The following DAB1 variants were observed in gnomAD, a reference collection of about 807,000 sequenced individuals.
DAB1 encodes DAB adaptor protein 1.
In DAB1, 15 loss-of-function variants were observed where a neutral mutation model predicts 64.6. The observed-to-expected ratio is 0.23, with a 90% CI of 0.16 to 0.36. The LOEUF is 0.36. Among genes scored for constraint, DAB1 ranks in the 10% least tolerant of loss-of-function variants. The pLI, the probability that DAB1 is intolerant of heterozygous loss-of-function variation, is 1.00. For synonymous variants in DAB1, 235 were observed against 251.9 expected, an observed-to-expected ratio of 0.93 and a Z score of 0.64; for missense variants, 596 against 706.7, an observed-to-expected ratio of 0.84 and a Z score of 1.78.
chr1:57,488,686 TAATAA>T (rs1431419490), intron 7 of DAB1, among the ~76,000 whole-genome samples: 4 of 151,552 alleles, frequency 2.6e-5, no homozygotes, highest in South Asian at 2.1e-4. Context: ...CAAAATAAAA[TAATAA>T]AATAAAATAA....
chr1:58,521,734 T>C (rs1330137749), intron 2 of DAB1, among the ~76,000 whole-genome samples: 1 of 152,154 alleles, frequency 6.6e-6, no homozygotes, highest in Non-Finnish European at 1.5e-5. Flanking sequence ...ATCTGAATAG[T>C]TCTATATCTA....
intron 11 of DAB1, 56 bp from the exon 12 acceptor site, chr1:57,015,487 A>G: frequency 6.8e-7 from 1 of 1,472,758 alleles, no homozygotes; most frequent in South Asian, 1.3e-5. Context: ...GGAAAGAAGG[A>G]TGCATGGACT....
intron 2 of DAB1, among the ~76,000 whole-genome samples, chr1:57,223,653 G>A (rs552303275): frequency 5.1e-4 from 78 of 152,262 alleles, no homozygotes; most frequent in African/African-American, 1.6e-3. Context: ...GATGCTGTAC[G>A]AACACCTTGC....
At chr1:57,485,647 G>T (rs1040009636) in intron 7 of DAB1, among the ~76,000 whole-genome samples, 1 of 152,164 alleles carries the variant, frequency 6.6e-6, no homozygotes, top group Admixed American at 6.5e-5. Context: ...AGCACAACAT[G>T]TGTGACTTTA....
At chr1:57,977,074 C>T (rs1292603812) in intron 5 of DAB1, among the ~76,000 whole-genome samples, 1 of 152,172 alleles carries the variant, frequency 6.6e-6, no homozygotes, top group Non-Finnish European at 1.5e-5. Flanking sequence ...TCTTCCATGG[C>T]TCCCCACTGC....
chr1:58,457,044 T>A (rs1256671964), intron 3 of DAB1, among the ~76,000 whole-genome samples: 1 of 152,134 alleles, frequency 6.6e-6, no homozygotes, highest in African/African-American at 2.4e-5. Flanking sequence ...GCAAAATCCA[T>A]CCTTTCTGCC....
chr1:57,935,580 C>T (rs1382118735), intron 5 of DAB1, among the ~76,000 whole-genome samples: 1 of 152,110 alleles, frequency 6.6e-6, no homozygotes, highest in Admixed American at 6.5e-5. Flanking sequence ...TCTGGATTCA[C>T]CACATTAATA....
intron 6 of DAB1, among the ~76,000 whole-genome samples, chr1:57,650,668 C>A (rs958982343): frequency 2.0e-5 from 3 of 152,100 alleles, no homozygotes; most frequent in Non-Finnish European, 1.5e-5. Context: ...TTTATGCTTT[C>A]CAAATTTTCT....
At chr1:57,739,450 C>G (rs1570783343) in intron 6 of DAB1, among the ~76,000 whole-genome samples, 1 of 53,484 alleles carries the variant, frequency 1.9e-5, no homozygotes. Flanking sequence ...CCCTCCCCTC[C>G]CCTCCCCTTC....
chr1:57,479,954 C>T (rs61768060), intron 7 of DAB1, among the ~76,000 whole-genome samples: 2 of 151,752 alleles, frequency 1.3e-5, no homozygotes, highest in African/African-American at 2.4e-5. Context: ...GAGATCGAGA[C>T]CATCCTGGCT....
chr1:57,564,440 G>T (rs964704982), intron 7 of DAB1, among the ~76,000 whole-genome samples: 2 of 152,184 alleles, frequency 1.3e-5, no homozygotes, highest in Non-Finnish European at 2.9e-5. Context: ...GATGGAAAAT[G>T]ACTTTGATGA....
rs5774339 is a variant in DAB1 at position 57,367,053 on chromosome 1, TA to T, written c.-137+56876del. Among the ~76,000 whole-genome samples the T allele has an allele frequency of 4.2e-3, 80 of 18,834 alleles. 1 individual carries two copies. Among genetic ancestry groups the T allele is most frequent in the African/African-American group, 0.017 (36 of 2,140 alleles). The allele number at this position is 18,834 out of a possible 152,430, so 12.4% of individuals were successfully genotyped here. On this transcript the variant is annotated intron_variant, in intron 1 of 14. Transcript: ENST00000371236. The stretch of plus-strand genomic sequence containing the variant: ...GAGACCCTGTCTCCACAAAATAAAA[TA>T]AAATAAAATAAAATAAAATAAAATA...
At chr1:57,524,955 T>C (rs973490615) in intron 7 of DAB1, among the ~76,000 whole-genome samples, 2 of 152,194 alleles carry the variant, frequency 1.3e-5, no homozygotes, top group African/African-American at 4.8e-5. Context: ...CACTAATCTT[T>C]GTAAAGCAAT....
intron 4 of DAB1, among the ~76,000 whole-genome samples, chr1:58,311,781 GTAAGTCTCT>G (rs1662436081): frequency 6.6e-6 from 1 of 152,068 alleles, no homozygotes; most frequent in Non-Finnish European, 1.5e-5. Context: ...TGCTACCCCA[GTAAGTCTCT>G]TGCACTTCTA....
chr1:57,629,735 GAAA>G (rs35634554), intron 7 of DAB1, among the ~76,000 whole-genome samples: 1 of 143,208 alleles, frequency 7.0e-6, no homozygotes, highest in Non-Finnish European at 1.5e-5. Context: ...TCAAGAACTT[GAAA>G]AAAAAAAAAA....
chr1:57,873,404 G>A (rs1172475352), intron 1 of DAB1, among the ~76,000 whole-genome samples: 2 of 152,146 alleles, frequency 1.3e-5, no homozygotes, highest in Non-Finnish European at 2.9e-5. Flanking sequence ...AAAAAACCTT[G>A]TACTGGAGTA....
rs949844894 is a variant in DAB1, at chr1:57,568,206, G to A, written n.625+81386C>T. ...TTCCCTATTTAATAAATGGTGCTGG[G>A]AAAACTGGCTAGCCATATGCAGAAA... On this transcript the variant is annotated intron_variant and non_coding_transcript_variant, in intron 7 of 20. Transcript: ENST00000485760. Among the ~76,000 whole-genome samples, 178 of 152,238 alleles carry A rather than the reference G, an allele frequency of 1.2e-3. 1 individual carries two copies. Among genetic ancestry groups the A allele is most frequent in the African/African-American group, 4.0e-3 (166 of 41,536 alleles).
chr1:57,729,365 C>T (rs1386580847), intron 6 of DAB1, among the ~76,000 whole-genome samples: 1 of 152,210 alleles, frequency 6.6e-6, no homozygotes, highest in Non-Finnish European at 1.5e-5. Flanking sequence ...ATGAGCCCAG[C>T]GGCAGGTGAT....
chr1:57,145,240 C>T (rs751497569), intron 3 of DAB1, 50 bp downstream of exon 3: 3 of 1,572,746 alleles, frequency 1.9e-6, no homozygotes, highest in Non-Finnish European at 1.7e-6. Context: ...ACTTCTTTTC[C>T]TCATTCACAT....
Sources: allele counts gnomAD v4.1 joint callset (sites outside exome capture counted in the v4.1 genomes callset), GRCh38; gene constraint gnomAD v4.1.1; transcripts MANE v1.5; gene names NCBI Gene and HGNC (gene_info 2026-07-23, HGNC 2026-07-21).